Variants in EYS observed in about 807,000 individuals in gnomAD.
EYS encodes protein eyes shut homolog.
Under a neutral mutation model 282.1 loss-of-function variants are expected in EYS, and 250 were observed. The observed-to-expected ratio is 0.89, with a 90% CI of 0.80 to 0.98. The LOEUF (loss-of-function observed/expected upper bound fraction) is 0.98. Ranked by LOEUF, EYS falls within the 50% of genes least tolerant of loss-of-function variation. The pLI, the probability that EYS is intolerant of heterozygous loss-of-function variation, is 0.00. For missense variants in EYS, 4,016 were observed against 3,709.0 expected, an observed-to-expected ratio of 1.08 and a Z score of -2.15; for synonymous variants, 1,355 against 1,282.9, an observed-to-expected ratio of 1.06 and a Z score of -1.20.
intron 1 of EYS, among the ~76,000 whole-genome samples, chr6:65,678,816 C>CA (rs34345454): frequency 0.77 from 111,728 of 144,426 alleles, 43,286 homozygotes; most frequent in East Asian, 0.85. Flanking sequence ...TATACATCTC[C>CA]AAAAAAAAAA....
At chr6:64,576,820 A>G (rs1404753812) in intron 26 of EYS, among the ~76,000 whole-genome samples, 1 of 152,132 alleles carries the variant, frequency 6.6e-6, no homozygotes, top group Non-Finnish European at 1.5e-5. Context: ...TTAGTATTGT[A>G]GCTTTTTAAA....
At chr6:64,333,105 T>C (rs901704264) in intron 29 of EYS, among the ~76,000 whole-genome samples, 1 of 152,112 alleles carries the variant, frequency 6.6e-6, no homozygotes, top group Admixed American at 6.6e-5. Flanking sequence ...ATACAGGAAC[T>C]TGTGTCTATA....
chr6:64,177,088 A>C (rs2150309907), intron 31 of EYS, among the ~76,000 whole-genome samples: 1 of 151,836 alleles, frequency 6.6e-6, no homozygotes, highest in East Asian at 1.9e-4. Context: ...ATTATTCATA[A>C]TTTACATCAT....
chr6:64,659,605 C>T (rs577478482), intron 22 of EYS, among the ~76,000 whole-genome samples: 12 of 152,246 alleles, frequency 7.9e-5, no homozygotes, highest in African/African-American at 2.9e-4. Flanking sequence ...ATACTATAAA[C>T]ACCTCTAAGC....
chr6:64,072,279 T>C (rs1008692943), intron 32 of EYS, among the ~76,000 whole-genome samples: 2 of 151,980 alleles, frequency 1.3e-5, no homozygotes, highest in Non-Finnish European at 2.9e-5. Flanking sequence ...TTATCACTTC[T>C]GAGGACTTCA....
At chr6:63,980,019 A>T (rs1252682385) in intron 35 of EYS, among the ~76,000 whole-genome samples, 1 of 151,888 alleles carries the variant, frequency 6.6e-6, no homozygotes, top group Admixed American at 6.6e-5. Flanking sequence ...TACAGCAGTA[A>T]ATTAGATCAA....
At chr6:65,033,161 C>A (rs965288997) in intron 13 of EYS, among the ~76,000 whole-genome samples, 2 of 152,106 alleles carry the variant, frequency 1.3e-5, no homozygotes, top group Non-Finnish European at 2.9e-5. Flanking sequence ...TTCTAACAAC[C>A]TAGCTCAGAT....
At chr6:65,282,784 A>G (rs1768259693) in intron 12 of EYS, among the ~76,000 whole-genome samples, 1 of 151,976 alleles carries the variant, frequency 6.6e-6, no homozygotes, top group Admixed American at 6.6e-5. Flanking sequence ...TGTTAGTATT[A>G]CTTCATTGCT....
chr6:64,295,169 T>C (rs1210551161), intron 30 of EYS, among the ~76,000 whole-genome samples: 1 of 150,818 alleles, frequency 6.6e-6, no homozygotes, highest in African/African-American at 2.5e-5. Flanking sequence ...GGTCAGGAGA[T>C]CAAGACCATC....
chr6:65,295,054 G>T (rs1293629741), intron 12 of EYS, among the ~76,000 whole-genome samples: 1 of 151,752 alleles, frequency 6.6e-6, no homozygotes, highest in Admixed American at 6.6e-5. Flanking sequence ...TAAATACCAA[G>T]CAGGGAAAAT....
intron 12 of EYS, among the ~76,000 whole-genome samples, chr6:65,059,605 T>C (rs1316505442): frequency 1.3e-5 from 2 of 151,990 alleles, no homozygotes; most frequent in African/African-American, 2.4e-5. Context: ...TTTAAAGATA[T>C]TTATACCCCA....
At chr6:64,553,545 A>AACCCCCCCCC in intron 26 of EYS, among the ~76,000 whole-genome samples, 1 of 46,456 alleles carries the variant, frequency 2.2e-5, no homozygotes, top group Non-Finnish European at 4.5e-5. Flanking sequence ...CTTTTGTTTG[A>AACCCCCCCCC]CCCCCCCCCC....
intron 33 of EYS, among the ~76,000 whole-genome samples, chr6:64,065,909 A>G (rs1771347814): frequency 6.6e-6 from 1 of 152,224 alleles, no homozygotes; most frequent in African/African-American, 2.4e-5. Context: ...CAATTTTCAG[A>G]TGGACTTTTA....
intron 10 of EYS, among the ~76,000 whole-genome samples, chr6:65,342,909 G>C (rs1158309905): frequency 1.3e-5 from 2 of 150,756 alleles, no homozygotes; most frequent in African/African-American, 2.4e-5. Context: ...TCCTGACAAA[G>C]GTTTACAGTT....
intron 28 of EYS, among the ~76,000 whole-genome samples, chr6:64,433,725 GA>G (rs1323815138): frequency 6.6e-6 from 1 of 151,944 alleles, no homozygotes; most frequent in Non-Finnish European, 1.5e-5. Flanking sequence ...TAAAGATAGT[GA>G]AAAATATGTA....
chr6:65,326,240 A>T (rs564810136), intron 11 of EYS, among the ~76,000 whole-genome samples: 1 of 151,996 alleles, frequency 6.6e-6, no homozygotes, highest in East Asian at 1.9e-4. Context: ...CGTTTAGAAA[A>T]GCCTCCTCAT....
intron 33 of EYS, among the ~76,000 whole-genome samples, chr6:64,047,976 G>A (rs1770684120): frequency 6.6e-6 from 1 of 152,096 alleles, no homozygotes; most frequent in African/African-American, 2.4e-5. Flanking sequence ...TGCGATCTTG[G>A]CTCACTGCAA....
chr6:64,303,004 C>T (rs1769288656), intron 30 of EYS, among the ~76,000 whole-genome samples: 1 of 152,034 alleles, frequency 6.6e-6, no homozygotes, highest in Non-Finnish European at 1.5e-5. Context: ...AGAAAAGGAC[C>T]CTACAGGACC....
intron 31 of EYS, among the ~76,000 whole-genome samples, chr6:64,189,198 T>A (rs149543144): frequency 4.5e-4 from 68 of 152,364 alleles, no homozygotes; most frequent in Non-Finnish European, 8.1e-4. Flanking sequence ...TATATATAAG[T>A]AAGCATAATA....
Sources: gnomAD v4.1 joint callset for allele counts (sites outside exome capture counted in the v4.1 genomes callset) on GRCh38, gnomAD v4.1.1 for gene constraint, MANE v1.5 for transcripts, NCBI Gene and HGNC (gene_info 2026-07-23, HGNC 2026-07-21) for gene names.